Variants in POU5F1 observed in about 807,000 individuals in gnomAD.
POU5F1 encodes POU class 5 homeobox 1, also known as POU domain, class 5, transcription factor 1.
A neutral mutation model predicts 38.3 loss-of-function variants in POU5F1; 6 were observed. The observed-to-expected ratio is 0.16, with a 90% CI of 0.09 to 0.31. POU5F1 has a LOEUF of 0.31. Ranked by LOEUF, POU5F1 falls within the 10% of genes least tolerant of loss-of-function variation. The pLI is 1.00. For synonymous variants in POU5F1, 147 were observed against 194.9 expected, an observed-to-expected ratio of 0.75 and a Z score of 2.05; for missense variants, 286 against 462.6, an observed-to-expected ratio of 0.62 and a Z score of 3.50.
In POU5F1 at chr6:31,166,446, G is replaced by A. The variant is rs1010088871; in HGVS notation, c.406-399C>T. 14 of 1,341,158 alleles carry A rather than the reference G, an allele frequency of 1.0e-5. No homozygotes were observed. The African/African-American group carries it at 1.7e-4, about 17-fold the overall frequency. The allele number at this position is 1,341,158 out of a possible 1,614,324, so 83.1% of individuals were successfully genotyped here. ...GAGGCCGAGGTGGGCAGATCACGAG[G>A]TCAGGAGTTCAAGACCAGCATGGCC... On this transcript the variant is annotated intron_variant, in intron 1 of 4. Transcript: ENST00000259915.
At chr6:31,168,610 T>C (rs1444018479) in intron 1 of POU5F1, among the ~76,000 whole-genome samples, 1 of 152,190 alleles carries the variant, frequency 6.6e-6, no homozygotes, top group African/African-American at 2.4e-5. Context: ...GCAGAGATGA[T>C]GGTGGCTGAG....
chr6:31,165,159 T>C lies in POU5F1; in HGVS notation c.785A>G (p.His262Arg). 1 of 1,609,736 alleles carries C rather than the reference T, an allele frequency of 6.2e-7. No homozygotes were observed. The highest frequency in any genetic ancestry group is 8.5e-7 in the Non-Finnish European group (1 of 1,178,384). Residue 262 changes from histidine (H) to arginine (R), a missense_variant, in exon 4 of 5, where the codon CAC becomes CGC. By Grantham distance (29) the His-to-Arg change is conservative. Around this residue, in one of 2 missense-constraint regions of POU5F1, gnomAD observed 110 missense variants for 277.8 expected, o/e 0.40. Transcript: ENST00000259915. The surrounding 1 kb of genome is among the most constrained non-coding windows in gnomAD (Gnocchi z 6.5). ...CPKPTLQQIS[H>R]IAQQLGLEKD... ...CTCGAGCCCAAGCTGCTGGGCGATGTGGCTGATCTGCTGCAGTGTGGGTTT... is the reference window on the plus strand; with the variant it reads ...CTCGAGCCCAAGCTGCTGGGCGATGCGGCTGATCTGCTGCAGTGTGGGTTT...
rs545718511 is a variant in POU5F1, at chr6:31,165,485, G to A, written c.657+86C>T. 6.2e-7 allele frequency: 1 copy of A among 1,604,748 alleles called. No homozygotes were observed. Among genetic ancestry groups the A allele is most frequent in the Non-Finnish European group, 8.5e-7 (1 of 1,175,890 alleles). ...TCCCACTGAGAACCACTGCACCAAA[G>A]ACGGAGAGCTACGAGCCAGTGATGG... On this transcript the variant is annotated intron_variant, in intron 3 of 4. Transcript: ENST00000259915. This position sits in a 1 kb window ranked among gnomAD's most constrained non-coding sequence, Gnocchi z 6.5.
At chr6:31,166,455 TCAAGA>T in intron 1 of POU5F1, 2 of 1,319,948 alleles carry the variant, frequency 1.5e-6, no homozygotes, top group South Asian at 2.6e-5. Context: ...GGTCAGGAGT[TCAAGA>T]CCAGCATGGC....
rs1777574425 is a variant in POU5F1 at position 31,170,383 on chromosome 6, C to G, written c.238G>C (p.Val80Leu). Reference protein sequence around the residue: ...CGGMAYCGPQVGVGLVPQGGL... With the variant: ...CGGMAYCGPQLGVGLVPQGGL... ...CCTTGGGGCACTAGCCCCACTCCAA[C>G]CTGGGGCCCACAGTACGCCATCCCC... Residue 80 changes from valine to leucine, a missense_variant, in exon 1 of 5, where the codon GTT becomes CTT. By Grantham distance (32) the Val-to-Leu change is conservative. Coordinates refer to ENST00000259915, the MANE Select transcript of POU5F1 (RefSeq NM_002701.6). 2 of 1,612,726 alleles carry G rather than the reference C, an allele frequency of 1.2e-6. No homozygotes were observed. Among genetic ancestry groups the G allele is most frequent in the East Asian group, 4.5e-5 (2 of 44,880 alleles).
rs1777571789 is a variant in POU5F1 at position 31,170,355 on chromosome 6, C to G, written c.266G>C (p.Gly89Ala). ...GCCCTCAGGCTGAGAGGTCTCCAAG[C>G]CGCCTTGGGGCACTAGCCCCACTCC... ...QVGVGLVPQG[G>A]LETSQPEGEA... The change falls in exon 1 of 5, where the codon GGC (glycine) becomes GCC (alanine). Residue 89 changes from glycine to alanine, a missense_variant. Physicochemically the swap from Gly to Ala is moderately conservative, Grantham distance 60 (BLOSUM62 0). Around this residue, in one of 2 missense-constraint regions of POU5F1, gnomAD observed 176 missense variants for 184.8 expected, o/e 0.95. Transcript: ENST00000259915. 6.2e-7 allele frequency: 1 copy of G among 1,612,742 alleles called. No individual in the cohort carries two copies. Among genetic ancestry groups the G allele is most frequent in the Non-Finnish European group, 8.5e-7 (1 of 1,179,840 alleles).
intron 1 of POU5F1, chr6:31,166,966 C>T: frequency 1.0e-6 from 1 of 982,514 alleles, no homozygotes; most frequent in East Asian, 3.7e-5. Flanking sequence ...AATTGATTAT[C>T]CCTCATCTTT....
Sources: allele counts gnomAD v4.1 joint callset (sites outside exome capture counted in the v4.1 genomes callset), GRCh38; gene constraint gnomAD v4.1.1; regional missense constraint gnomAD v4.1.1; non-coding constraint Gnocchi (gnomAD v3.1); transcripts MANE v1.5; gene names NCBI Gene and HGNC (gene_info 2026-07-23, HGNC 2026-07-21).